Variants in PDIA5 observed in about 807,000 individuals in gnomAD.
PDIA5 encodes the protein protein disulfide isomerase family A member 5, also known as protein disulfide-isomerase A5.
PDIA5 carries 58 observed loss-of-function variants against 77.6 expected under a neutral mutation model. The ratio of observed to expected loss-of-function variants is 0.75; its 90% CI spans 0.61 to 0.93. The LOEUF (loss-of-function observed/expected upper bound fraction) is 0.93. Ranked by LOEUF, PDIA5 falls within the 40% of genes least tolerant of loss-of-function variation. The probability of loss-of-function intolerance (pLI) is 0.00; values close to 1 mark genes in which losing one functional copy is unlikely to be tolerated. For synonymous variants in PDIA5, 250 were observed against 252.1 expected (o/e 0.99, Z 0.08); for missense variants, 630 against 647.7 (o/e 0.97, Z 0.30).
intron 1 of PDIA5, among the ~76,000 whole-genome samples, chr3:123,085,168 G>A (rs889921676): frequency 6.6e-6 from 1 of 152,262 alleles, no homozygotes; most frequent in Non-Finnish European, 1.5e-5. Flanking sequence ...AAGGCCAGGA[G>A]TGTGGTAACA....
At chr3:123,097,834 C>T (rs997567663) in intron 3 of PDIA5, among the ~76,000 whole-genome samples, 6 of 152,262 alleles carry the variant, frequency 3.9e-5, no homozygotes, top group African/African-American at 1.4e-4. Flanking sequence ...AGAGAGTTAT[C>T]CCTTCTTTGA....
At chr3:123,101,178 T>C (rs1214780819) in intron 3 of PDIA5, among the ~76,000 whole-genome samples, 1 of 152,178 alleles carries the variant, frequency 6.6e-6, no homozygotes, top group East Asian at 1.9e-4. Context: ...GTGAAGGAGC[T>C]AGTCTAATGC....
chr3:123,118,911 GT>G (rs1408577801), intron 8 of PDIA5, among the ~76,000 whole-genome samples: 1 of 152,178 alleles, frequency 6.6e-6, no homozygotes, highest in African/African-American at 2.4e-5. Context: ...AAGGACATTT[GT>G]GGGACAGGTT....
In PDIA5 at chr3:123,124,071, G is replaced by T. The variant is rs781258344; in HGVS notation, c.615G>T (p.Leu205=). Residue 205 remains leucine (L), a synonymous_variant, in exon 9 of 17, where the codon CTG becomes CTT. Coordinates refer to ENST00000316218, the MANE Select transcript of PDIA5 (RefSeq NM_006810.4). ...AATQLRGHAV[L]AGMNVYSSEF... is the part of the protein sequence containing the mutation. ...TCTTCTCCGCTTCCTCCCAGGTGCT[G>T]GCCGGGATGAATGTCTACTCCTCTG... The T allele has an allele frequency of 1.2e-6, 2 of 1,612,898 alleles. No homozygotes were observed. Among genetic ancestry groups the T allele is most frequent in the Admixed American group, 3.3e-5 (2 of 60,032 alleles).
chr3:123,112,183 A>G (rs1007935491), intron 7 of PDIA5, among the ~76,000 whole-genome samples: 6 of 152,024 alleles, frequency 3.9e-5, no homozygotes, highest in African/African-American at 1.5e-4. Context: ...TTTGTGCTGC[A>G]CCTCTGTGAG....
intron 7 of PDIA5, among the ~76,000 whole-genome samples, chr3:123,112,266 G>A (rs532056559): frequency 2.2e-4 from 34 of 152,332 alleles, no homozygotes; most frequent in African/African-American, 7.9e-4. Context: ...GGTTGTATAT[G>A]ATGCAAGGCA....
At position 123,095,007 on chromosome 3, in the gene PDIA5, G is replaced by A. The variant is rs138157623; in HGVS notation, c.257+2565G>A. On this transcript the variant is annotated intron_variant, in intron 3 of 16. Coordinates refer to ENST00000316218, the MANE Select transcript of PDIA5 (RefSeq NM_006810.4). Reference sequence around the variant, plus strand: ...GAAGAAGCTGCTCCAGTGTTGAGGTGTCTTTGCAGGTGTGTGGAATAAGGG... The same window carrying A: ...GAAGAAGCTGCTCCAGTGTTGAGGTATCTTTGCAGGTGTGTGGAATAAGGG... Among the ~76,000 whole-genome samples, 9 of 152,288 alleles carry A rather than the reference G, an allele frequency of 5.9e-5. No individual in the cohort carries two copies. In the East Asian group the frequency reaches 1.5e-3, roughly 26 times the overall value.
rs114878319 is a variant in PDIA5, at chr3:123,156,629, A to G, written c.1344+1588A>G. Among the ~76,000 whole-genome samples the G allele has an allele frequency of 5.2e-3, 794 of 152,246 alleles. 8 individuals are homozygous for G. The highest frequency in any genetic ancestry group is 0.018 in the African/African-American group (747 of 41,540). On this transcript the variant is annotated intron_variant, in intron 15 of 16. Transcript: ENST00000316218. ...AATGCTGGGTGCTCTGGGCAGCAGGAGAAAGGCTGAGGTGTGCCATCTCCC... is the reference window on the plus strand; with the variant it reads ...AATGCTGGGTGCTCTGGGCAGCAGGGGAAAGGCTGAGGTGTGCCATCTCCC...
chr3:123,105,164 C>T (rs1057100898), intron 5 of PDIA5, among the ~76,000 whole-genome samples: 3 of 152,206 alleles, frequency 2.0e-5, no homozygotes, highest in South Asian at 2.1e-4. Flanking sequence ...GAGTCCTGAT[C>T]CCACTGAGCA....
intron 13 of PDIA5, 138 bp from the exon 14 acceptor site, chr3:123,150,096 A>C: frequency 1.5e-6 from 1 of 683,896 alleles, no homozygotes; most frequent in Admixed American, 2.4e-5. Context: ...CTGTGGTTTT[A>C]AAATGAAATT....
chr3:123,129,421 G>A (rs1030284482), intron 10 of PDIA5, among the ~76,000 whole-genome samples: 12 of 152,336 alleles, frequency 7.9e-5, no homozygotes, highest in Non-Finnish European at 1.2e-4. Context: ...ACCCGGCTGC[G>A]GAGGGAAGTG....
intron 10 of PDIA5, among the ~76,000 whole-genome samples, chr3:123,125,044 CCTG>C (rs1935210146): frequency 6.6e-6 from 1 of 152,152 alleles, no homozygotes; most frequent in Non-Finnish European, 1.5e-5. Context: ...CTGTGCTAGG[CCTG>C]CTGCTTTGTC....
intron 6 of PDIA5, among the ~76,000 whole-genome samples, chr3:123,109,657 T>C: frequency 6.6e-6 from 1 of 152,210 alleles, no homozygotes; most frequent in East Asian, 1.9e-4. Flanking sequence ...TGCACATTCA[T>C]TGTTGAAAAT....
chr3:123,071,563 C>T (rs992468271), intron 1 of PDIA5, among the ~76,000 whole-genome samples: 2 of 152,204 alleles, frequency 1.3e-5, no homozygotes, highest in African/African-American at 4.8e-5. Context: ...CTGTAGTGCA[C>T]ATTTCCCACA....
chr3:123,117,437 T>C (rs1016589811), intron 8 of PDIA5, among the ~76,000 whole-genome samples: 1 of 139,334 alleles, frequency 7.2e-6, no homozygotes. Context: ...GTTGCCCAGG[T>C]TGGACTTGAG....
At chr3:123,073,113 G>A (rs1045899011) in intron 1 of PDIA5, among the ~76,000 whole-genome samples, 9 of 152,202 alleles carry the variant, frequency 5.9e-5, no homozygotes, top group South Asian at 2.1e-4. Context: ...TTGTCAAATC[G>A]GATGCATTTG....
chr3:123,139,983 A>G (rs867101516), intron 11 of PDIA5, among the ~76,000 whole-genome samples: 1 of 152,314 alleles, frequency 6.6e-6, no homozygotes, highest in African/African-American at 2.4e-5. Flanking sequence ...TTGAGAAAAT[A>G]AAACAGGATA....
chr3:123,157,024 GAC>G (rs781218201), intron 15 of PDIA5, among the ~76,000 whole-genome samples: 1 of 152,172 alleles, frequency 6.6e-6, no homozygotes, highest in Non-Finnish European at 1.5e-5. Context: ...CTTAGACACT[GAC>G]ACACCTTTGC....
chr3:123,145,327 T>C (rs577426554), intron 11 of PDIA5, 195 bp from the exon 12 acceptor site: 227 of 566,386 alleles, frequency 4.0e-4, no homozygotes, highest in Admixed American at 5.2e-4. Flanking sequence ...TATTTTTGTG[T>C]CTGGGGTACC....
Sources: allele counts gnomAD v4.1 joint callset (sites outside exome capture counted in the v4.1 genomes callset), GRCh38; gene constraint gnomAD v4.1.1; transcripts MANE v1.5; gene names NCBI Gene and HGNC (gene_info 2026-07-23, HGNC 2026-07-21).